Variants in CLEC2A observed in about 807,000 individuals in gnomAD.
CLEC2A encodes the protein C-type lectin domain family 2 member A.
Under a neutral mutation model 18.6 loss-of-function variants are expected in CLEC2A, and 19 were observed. That is an observed-to-expected ratio of 1.02 (90% CI 0.71 to 1.50). The LOEUF (loss-of-function observed/expected upper bound fraction) is 1.50. CLEC2A is among the 40% of genes most tolerant of loss of function. The pLI is 0.00. For missense variants in CLEC2A, 190 were observed against 207.9 expected, an observed-to-expected ratio of 0.91 and a Z score of 0.53; for synonymous variants, 74 against 64.0, an observed-to-expected ratio of 1.16 and a Z score of -0.75.
chr12:9,917,987 T>C (rs1863100225), intron 3 of CLEC2A, among the ~76,000 whole-genome samples: 1 of 152,208 alleles, frequency 6.6e-6, no homozygotes, highest in African/African-American at 2.4e-5. Flanking sequence ...TCCTTAGAGA[T>C]GCTGATGTTA....
downstream of CLEC2A, among the ~76,000 whole-genome samples, chr12:9,909,383 C>T (rs1187569051): frequency 2.0e-5 from 3 of 152,192 alleles, no homozygotes; most frequent in Non-Finnish European, 4.4e-5. Context: ...TGTTCATGTT[C>T]TCAAACTACC....
the CLEC2A span, chr12:9,893,396 A>C: frequency 1.9e-6 from 2 of 1,072,234 alleles, no homozygotes; most frequent in African/African-American, 3.1e-5. Flanking sequence ...TTTTTAAACA[A>C]ATGAATGAAT....
chr12:9,879,623 T>A, the CLEC2A span, among the ~76,000 whole-genome samples: 1 of 152,240 alleles, frequency 6.6e-6, no homozygotes, highest in Admixed American at 6.5e-5. Context: ...TAAATCATCT[T>A]GATATAGCTC....
chr12:9,904,871 C>G (rs138705997), intron 4 of CLEC2A, among the ~76,000 whole-genome samples: 18 of 152,134 alleles, frequency 1.2e-4, no homozygotes, highest in African/African-American at 3.9e-4. Flanking sequence ...GGCTGTCCAC[C>G]GTCCATGTTG....
At chr12:9,922,300 T>C (rs1863187305) in intron 2 of CLEC2A, 68 bp from the exon 3 acceptor site, 1 of 1,337,442 alleles carries the variant, frequency 7.5e-7, no homozygotes, top group African/African-American at 1.5e-5. Context: ...CATTCAGGTG[T>C]ATTAATTTTA....
the CLEC2A span, chr12:9,885,055 T>C: frequency 1.1e-6 from 1 of 903,148 alleles, no homozygotes; most frequent in Non-Finnish European, 1.5e-6. Context: ...TTTTTATTTA[T>C]TTGAACATTT....
the CLEC2A span, among the ~76,000 whole-genome samples, chr12:9,884,704 A>G: frequency 4.6e-5 from 7 of 150,818 alleles, no homozygotes; most frequent in African/African-American, 1.7e-4. Context: ...TAGGTCCTCA[A>G]AAACACCACC....
At chr12:9,921,054 A>G (rs1038385030) in intron 3 of CLEC2A, among the ~76,000 whole-genome samples, 1 of 152,196 alleles carries the variant, frequency 6.6e-6, no homozygotes. Context: ...CCAACAACTT[A>G]TGGCTGTGTC....
chr12:9,918,313 A>G (rs10845004), intron 3 of CLEC2A, among the ~76,000 whole-genome samples: 60,197 of 152,028 alleles, frequency 0.4, 13,396 homozygotes, highest in Non-Finnish European at 0.51. Flanking sequence ...AATCCTTTGC[A>G]TATGGCTAGC....
intron 3 of CLEC2A, among the ~76,000 whole-genome samples, chr12:9,918,136 T>TA (rs1192888104): frequency 6.6e-6 from 1 of 152,160 alleles, no homozygotes; most frequent in African/African-American, 2.4e-5. Flanking sequence ...CATTTTTTTT[T>TA]ACTATTGCTT....
At chr12:9,903,969 A>G (rs1862871369) in intron 4 of CLEC2A, among the ~76,000 whole-genome samples, 1 of 152,184 alleles carries the variant, frequency 6.6e-6, no homozygotes, top group Admixed American at 6.5e-5. Flanking sequence ...GGCCAGTTGG[A>G]TCAGAGTGCA....
At chr12:9,928,407 A>G (rs1231093779) in intron 1 of CLEC2A, among the ~76,000 whole-genome samples, 2 of 152,112 alleles carry the variant, frequency 1.3e-5, no homozygotes, top group Admixed American at 6.5e-5. Flanking sequence ...CGGAGGCTGC[A>G]GTGATCAGAA....
intron 3 of CLEC2A, among the ~76,000 whole-genome samples, chr12:9,921,071 T>G (rs1177912312): frequency 6.6e-6 from 1 of 152,254 alleles, no homozygotes; most frequent in Non-Finnish European, 1.5e-5. Context: ...TGTCATTGGC[T>G]GGGTTACATA....
At chr12:9,904,140 T>A (rs1009356226) in intron 4 of CLEC2A, among the ~76,000 whole-genome samples, 1 of 152,188 alleles carries the variant, frequency 6.6e-6, no homozygotes, top group African/African-American at 2.4e-5. Flanking sequence ...AATGCTAAGT[T>A]TTCTCTCTGT....
the CLEC2A span, among the ~76,000 whole-genome samples, chr12:9,884,345 C>T: frequency 6.6e-6 from 1 of 151,764 alleles, no homozygotes; most frequent in Non-Finnish European, 1.5e-5. Flanking sequence ...TGACTCCTGT[C>T]TAAAGAGTCA....
the CLEC2A span, among the ~76,000 whole-genome samples, chr12:9,887,507 C>T: frequency 6.6e-6 from 1 of 152,042 alleles, no homozygotes; most frequent in African/African-American, 2.4e-5. Context: ...AATATTTTTT[C>T]CATTCATTGT....
intron 2 of CLEC2A, among the ~76,000 whole-genome samples, chr12:9,924,621 A>G (rs1863236395): frequency 1.3e-5 from 2 of 152,150 alleles, no homozygotes; most frequent in Admixed American, 6.6e-5. Flanking sequence ...CACAAAATAA[A>G]CCCATAGAAC....
At chr12:9,896,330 G>T (rs927351018), downstream of CLEC2A, among the ~76,000 whole-genome samples, 11 of 152,044 alleles carry the variant, frequency 7.2e-5, no homozygotes, top group East Asian at 1.9e-3. Context: ...CAATATTTAG[G>T]TGATGGATAA....
intron 4 of CLEC2A, among the ~76,000 whole-genome samples, chr12:9,915,577 G>C (rs1863058025): frequency 1.3e-5 from 2 of 152,044 alleles, no homozygotes; most frequent in African/African-American, 4.8e-5. Context: ...TCTGGAAACT[G>C]TCATCCTCAG....
Sources: gnomAD v4.1 joint callset for allele counts (sites outside exome capture counted in the v4.1 genomes callset) on GRCh38, gnomAD v4.1.1 for gene constraint, MANE v1.5 for transcripts, NCBI Gene and HGNC (gene_info 2026-07-23, HGNC 2026-07-21) for gene names.